WDR7: variants seen among roughly 807,000 people sequenced by gnomAD.
WDR7 encodes WD repeat-containing protein 7.
WDR7 carries 46 observed loss-of-function variants against 169.4 expected under a neutral mutation model. That is an observed-to-expected ratio of 0.27 (90% CI 0.21 to 0.35). WDR7 has a LOEUF of 0.35. Ranked by LOEUF, WDR7 falls within the 10% of genes least tolerant of loss-of-function variation. WDR7 has a pLI of 1.00. For synonymous variants in WDR7, 612 were observed against 666.8 expected (o/e 0.92, Z 1.27); for missense variants, 1,534 against 1,859.3 (o/e 0.83, Z 3.22).
chr18:56,964,155 A>G (rs76449163), intron 26 of WDR7, among the ~76,000 whole-genome samples: 9,612 of 141,256 alleles, frequency 0.068, 319 homozygotes, highest in African/African-American at 0.089. Context: ...TTCAGGGTAT[A>G]TTTCTGTATT....
At chr18:56,827,527 T>C (rs1323800302) in intron 20 of WDR7, among the ~76,000 whole-genome samples, 2 of 151,382 alleles carry the variant, frequency 1.3e-5, no homozygotes, top group African/African-American at 2.4e-5. Flanking sequence ...TGTCCATGAG[T>C]AGAAGGAGGG....
At chr18:56,927,726 G>T (rs1422328269) in intron 22 of WDR7, among the ~76,000 whole-genome samples, 1 of 152,156 alleles carries the variant, frequency 6.6e-6, no homozygotes. Flanking sequence ...AATGTTTTCA[G>T]ATATTTTGCC....
chr18:56,807,145 G>T (rs1193410285), intron 19 of WDR7, among the ~76,000 whole-genome samples: 1 of 92,048 alleles, frequency 1.1e-5, no homozygotes, highest in South Asian at 3.2e-4. Flanking sequence ...GGTGATCCTA[G>T]CCAAAAAAAA....
intron 21 of WDR7, among the ~76,000 whole-genome samples, chr18:56,885,841 A>G (rs1370754659): frequency 6.6e-6 from 1 of 151,492 alleles, no homozygotes; most frequent in African/African-American, 2.4e-5. Flanking sequence ...AAAAAAAAAA[A>G]CAAAAAACTT....
chr18:56,772,059 TCAAAAAAAAAA>T (rs1465512601), intron 16 of WDR7, among the ~76,000 whole-genome samples: 2 of 26,546 alleles, frequency 7.5e-5, no homozygotes, highest in African/African-American at 3.2e-4. Flanking sequence ...AGACCCTGTC[TCAAAAAAAAAA>T]AAAAAAAAAA....
chr18:56,708,954 GCAA>G (rs1568150492), intron 12 of WDR7, among the ~76,000 whole-genome samples: 1 of 151,380 alleles, frequency 6.6e-6, no homozygotes, highest in Non-Finnish European at 1.5e-5. Context: ...AACAACAACA[GCAA>G]CAACAACAAA....
chr18:56,940,566 GTCT>G (rs543775303), intron 25 of WDR7, among the ~76,000 whole-genome samples: 87 of 152,244 alleles, frequency 5.7e-4, no homozygotes, highest in African/African-American at 1.9e-3. Context: ...TTGGTTTATG[GTCT>G]TCTTCTTAAG....
At chr18:56,795,100 A>G (rs1271723511) in intron 19 of WDR7, among the ~76,000 whole-genome samples, 2 of 152,224 alleles carry the variant, frequency 1.3e-5, no homozygotes, top group Admixed American at 6.5e-5. Flanking sequence ...AAAGTATTTA[A>G]ATATTAATAT....
rs560596559 is a variant in WDR7, at chr18:56,829,964, T to C, written c.3304+13820T>C. 3.3e-5 allele frequency among the ~76,000 whole-genome samples: 5 copies of C among 151,800 alleles called. No homozygotes were observed. The South Asian group carries it at 1.0e-3, about 32-fold the overall frequency. ...AAAGTTAGAAAATAACAACACAGAG[T>C]TTTCTAAAGTCAAATGTCCAACAAG... On this transcript the variant is annotated intron_variant, in intron 20 of 27. Coordinates refer to ENST00000254442, the MANE Select transcript of WDR7 (RefSeq NM_015285.3).
intron 22 of WDR7, among the ~76,000 whole-genome samples, chr18:56,934,456 A>G (rs1443087444): frequency 1.3e-5 from 2 of 151,806 alleles, no homozygotes. Context: ...ATTGTTCAAT[A>G]TGTGTGTGTT....
intron 26 of WDR7, among the ~76,000 whole-genome samples, chr18:57,001,175 T>G (rs948141905): frequency 2.0e-5 from 3 of 151,038 alleles, no homozygotes; most frequent in African/African-American, 7.3e-5. Flanking sequence ...TAATATAAAT[T>G]AAGCAAAAAT....
chr18:56,988,196 G>T (rs145617176), intron 26 of WDR7, among the ~76,000 whole-genome samples: 3 of 152,154 alleles, frequency 2.0e-5, no homozygotes, highest in Admixed American at 2.0e-4. Context: ...AAGCAATAAG[G>T]CTTGACAGGG....
intron 22 of WDR7, among the ~76,000 whole-genome samples, chr18:56,929,446 G>T (rs1214909087): frequency 6.6e-6 from 1 of 152,148 alleles, no homozygotes; most frequent in Non-Finnish European, 1.5e-5. Flanking sequence ...AAAGTCATGG[G>T]ATTTAAAGAT....
At chr18:56,843,857 C>CTTTT (rs776575088) in intron 20 of WDR7, among the ~76,000 whole-genome samples, 33 of 134,328 alleles carry the variant, frequency 2.5e-4, no homozygotes, top group Non-Finnish European at 3.0e-4. Context: ...TTTTTTCTTT[C>CTTTT]TTTTTTTTTT....
Position 56,696,310 on chromosome 18 carries a change from G to A in WDR7, c.1426G>A (p.Val476Ile), listed in dbSNP as rs202107348. 1.9e-6 allele frequency: 3 copies of A among 1,614,132 alleles called. No homozygotes were observed. In the East Asian group the frequency reaches 6.7e-5, roughly 36 times the overall value. Reference sequence around the variant, plus strand: ...CACATGTTTGCTATATCCTCATCAGGTCTCAGCTCGGTATGATCAAAGATA... The same window carrying A: ...CACATGTTTGCTATATCCTCATCAGATCTCAGCTCGGTATGATCAAAGATA... Reference protein sequence around the residue: ...KVTCLLYPHQVSARYDQRYLI... With the variant: ...KVTCLLYPHQISARYDQRYLI... The change falls in exon 12 of 28, where the codon GTC (valine) becomes ATC (isoleucine). Residue 476 changes from valine to isoleucine, a missense_variant. Transcript: ENST00000254442.
chr18:56,837,911 C>T (rs778975820), intron 20 of WDR7, among the ~76,000 whole-genome samples: 9 of 152,140 alleles, frequency 5.9e-5, no homozygotes, highest in Non-Finnish European at 1.0e-4. Context: ...CCACCGTGCC[C>T]AGCCGATTTG....
In WDR7 at chr18:56,797,908, G is replaced by A. The variant is rs190866971; in HGVS notation, c.3190+16252G>A. Among the ~76,000 whole-genome samples the A allele has an allele frequency of 5.1e-4, 77 of 152,236 alleles. 3 individuals are homozygous for A. In the South Asian group the frequency reaches 0.013, roughly 26 times the overall value. On this transcript the variant is annotated intron_variant, in intron 19 of 27. Transcript: ENST00000254442. ...CAGTCATCTTCATCTTCCCTTGGGCGTTTATAGCCACTTCAAACCTATCAT... is the reference window on the plus strand; with the variant it reads ...CAGTCATCTTCATCTTCCCTTGGGCATTTATAGCCACTTCAAACCTATCAT...
chr18:56,961,284 T>C (rs2047335852), intron 25 of WDR7, among the ~76,000 whole-genome samples: 2 of 152,114 alleles, frequency 1.3e-5, no homozygotes, highest in Admixed American at 1.3e-4. Flanking sequence ...CCCTGGTATA[T>C]CTACCTCAGG....
At chr18:56,856,214 G>A (rs540938937) in intron 20 of WDR7, among the ~76,000 whole-genome samples, 71 of 152,306 alleles carry the variant, frequency 4.7e-4, no homozygotes, top group African/African-American at 1.6e-3. Context: ...TTCTACAGAA[G>A]AAATCAACTT....
Sources: gnomAD v4.1 joint callset for allele counts (sites outside exome capture counted in the v4.1 genomes callset) on GRCh38, gnomAD v4.1.1 for gene constraint, MANE v1.5 for transcripts, NCBI Gene and HGNC (gene_info 2026-07-23, HGNC 2026-07-21) for gene names.